The following RNF213 variants were observed in gnomAD, a reference collection of about 807,000 sequenced individuals.
RNF213 encodes the protein ring finger protein 213.
Under a neutral mutation model 514.4 loss-of-function variants are expected in RNF213, and 341 were observed. That is an observed-to-expected ratio of 0.66 (90% CI 0.61 to 0.73). The LOEUF is 0.73. Among genes scored for constraint, RNF213 ranks in the 30% least tolerant of loss-of-function variants. The pLI, the probability that RNF213 is intolerant of heterozygous loss-of-function variation, is 0.00. For synonymous variants in RNF213, 2,655 were observed against 2,658.2 expected, an observed-to-expected ratio of 1.00 and a Z score of 0.04; for missense variants, 5,767 against 6,615.6, an observed-to-expected ratio of 0.87 and a Z score of 4.45.
intron 41 of RNF213, 116 bp downstream of exon 41, chr17:80,363,906 T>A: frequency 9.9e-7 from 1 of 1,011,698 alleles, no homozygotes; most frequent in Non-Finnish European, 1.5e-6. Context: ...TGGGAGGGGC[T>A]CCGTCCTCAC....
chr17:80,388,573 G>A, intron 63 of RNF213, 39 bp from the exon 64 acceptor site: 1 of 1,323,928 alleles, frequency 7.6e-7, no homozygotes. Context: ...TGTCCACGAT[G>A]GATTTAATTT....
intron 62 of RNF213, 114 bp downstream of exon 62, chr17:80,386,544 GCCGCCCCCACCAGTGAC>G: frequency 7.8e-6 from 11 of 1,417,834 alleles, no homozygotes; most frequent in Non-Finnish European, 1.1e-5. Context: ...CACTCCTTCA[GCCGCCCCCACCAGTGAC>G]CCGCCCCATA....
rs1175230652 is a variant in RNF213 at position 80,375,755 on chromosome 17, T to A, written c.13075-5T>A. 6 of 1,598,408 alleles carry A rather than the reference T, an allele frequency of 3.8e-6. No individual in the cohort carries two copies. Among genetic ancestry groups the A allele is most frequent in the Non-Finnish European group, 5.1e-6 (6 of 1,165,734 alleles). On this transcript the variant is annotated splice_region_variant and splice_polypyrimidine_tract_variant and intron_variant, in intron 50 of 67. Coordinates refer to ENST00000582970, the MANE Select transcript of RNF213 (RefSeq NM_001256071.3). Reference sequence around the variant, plus strand: ...AATTCTTACTTGATACCCTTGATTTTGCAGGCCTGCAAGACCCCCCAAAGC... The same window carrying A: ...AATTCTTACTTGATACCCTTGATTTAGCAGGCCTGCAAGACCCCCCAAAGC...
rs1185822105 is a variant in RNF213 at position 80,295,019 on chromosome 17, C to T, written c.1755+16C>T. On this transcript the variant is annotated intron_variant, in intron 9 of 67. Coordinates refer to ENST00000582970, the MANE Select transcript of RNF213 (RefSeq NM_001256071.3). ...GGAGAAAGAGGTATCAGGCTTGCCACCAGCTGCTCTACCTGCTGGGCAGGA... is the reference window on the plus strand; with the variant it reads ...GGAGAAAGAGGTATCAGGCTTGCCATCAGCTGCTCTACCTGCTGGGCAGGA... 1 of 1,613,900 alleles carries T rather than the reference C, an allele frequency of 6.2e-7. No homozygotes were observed. Among genetic ancestry groups the T allele is most frequent in the East Asian group, 2.2e-5 (1 of 44,888 alleles).
At chr17:80,312,889 T>G (rs1286696877) in intron 14 of RNF213, 123 bp from the exon 15 acceptor site, 2 of 1,084,504 alleles carry the variant, frequency 1.8e-6, no homozygotes, top group African/African-American at 1.6e-5. Flanking sequence ...CTGTGGTCCC[T>G]CCATCGTAGC....
At chr17:80,277,599 A>G (rs1320633697) in intron 3 of RNF213, among the ~76,000 whole-genome samples, 2 of 134,512 alleles carry the variant, frequency 1.5e-5, no homozygotes, top group African/African-American at 6.8e-5. Flanking sequence ...CTGTCTCAAA[A>G]AAAAAAAAAA....
At chr17:80,285,266 G>A (rs1210383588) in intron 3 of RNF213, among the ~76,000 whole-genome samples, 1 of 152,214 alleles carries the variant, frequency 6.6e-6, no homozygotes, top group African/African-American at 2.4e-5. Context: ...GCCCACGGTG[G>A]CTCAGTGACC....
chr17:80,364,398 C>G (rs201747319), intron 41 of RNF213, 35 bp from the exon 42 acceptor site: 2 of 1,613,430 alleles, frequency 1.2e-6, no homozygotes, highest in East Asian at 2.2e-5. Flanking sequence ...TGGTGGGAGC[C>G]GAGTGAGTGA....
At chr17:80,338,958 T>TAA (rs60333843) in intron 25 of RNF213, among the ~76,000 whole-genome samples, 37 of 143,096 alleles carry the variant, frequency 2.6e-4, no homozygotes, top group Admixed American at 8.5e-4. Flanking sequence ...AAAAAAAAAT[T>TAA]AAAAAAAAAA....
chr17:80,313,734 ACAAT>A (rs1287126410), intron 15 of RNF213, among the ~76,000 whole-genome samples: 7 of 98,798 alleles, frequency 7.1e-5, no homozygotes, highest in South Asian at 7.2e-4. Context: ...GGTGGAGGTG[ACAAT>A]GGTGATGCTG....
At chr17:80,276,580 C>A (rs1436456239) in intron 3 of RNF213, among the ~76,000 whole-genome samples, 1 of 151,890 alleles carries the variant, frequency 6.6e-6, no homozygotes, top group African/African-American at 2.4e-5. Context: ...CGCGGTGGCT[C>A]ACTGGGTGAC....
At chr17:80,361,392 T>A (rs1346665469) in intron 38 of RNF213, among the ~76,000 whole-genome samples, 1 of 152,106 alleles carries the variant, frequency 6.6e-6, no homozygotes, top group Non-Finnish European at 1.5e-5. Flanking sequence ...TGGTGGTGCA[T>A]GCCTGTAGTC....
Position 80,386,880 on chromosome 17 carries a change from C to T in RNF213, c.14911C>T (p.Leu4971=). 9 of 1,612,424 alleles carry T rather than the reference C, an allele frequency of 5.6e-6. No homozygotes were observed. Among genetic ancestry groups the T allele is most frequent in the South Asian group, 1.1e-5 (1 of 90,864 alleles). ...VSRFLQGKPR[L]SLKGIPTLVY... ...CCGCTTCCTCCAGGGCAAGCCCCGG[C>T]TGAGCCTCAAGGTAGGGCTGACTCC... Residue 4971 remains leucine (L), a synonymous_variant, in exon 63 of 68, where the codon CTG becomes TTG. Transcript: ENST00000582970.
At chr17:80,351,828 TA>T in intron 32 of RNF213, 25 bp downstream of exon 32, 1 of 1,154,908 alleles carries the variant, frequency 8.7e-7, no homozygotes, top group East Asian at 2.3e-5. Flanking sequence ...TCAGTCAGGG[TA>T]TTTATTTATG....
rs771061203 is a variant in RNF213, at chr17:80,287,893, C to A, written c.340C>A (p.Pro114Thr). The change falls in exon 4 of 68, where the codon CCT (proline) becomes ACT (threonine). Residue 114 changes from proline to threonine, a missense_variant. This residue lies in a region of RNF213 where 509 missense variants were observed against 496.7 expected (regional missense o/e 1.02). Coordinates refer to ENST00000582970, the MANE Select transcript of RNF213 (RefSeq NM_001256071.3). Reference protein sequence around the residue: ...SSELASLPLSPASPCHLTLLS... With the variant: ...SSELASLPLSTASPCHLTLLS... ...AGAGCTGGCTTCCTTGCCCCTTTCT[C>A]CTGCCAGCCCCTGTCACCTGACTTT... 4 of 1,581,010 alleles carry A rather than the reference C, an allele frequency of 2.5e-6. No homozygotes were observed. The highest frequency in any genetic ancestry group is 3.4e-6 in the Non-Finnish European group (4 of 1,163,648).
intron 17 of RNF213, chr17:80,320,113 C>CTGTGGTGATGACTGT: frequency 1.5e-6 from 1 of 659,880 alleles, no homozygotes; most frequent in Non-Finnish European, 1.9e-6. Flanking sequence ...CAGTCATCAC[C>CTGTGGTGATGACTGT]ACAGTTAATG....
chr17:80,346,123 G>A lies in RNF213; in HGVS notation c.7788G>A (p.Gln2596=), dbSNP rs2078302161. The A allele has an allele frequency of 6.2e-7, 1 of 1,614,192 alleles. No homozygotes were observed. The stretch of plus-strand genomic sequence containing the variant: ...TTGCTGAAAAGCTCTACATCCAGCA[G>A]ATTGTCCAGAGACTGGTTGAGTCCA... ...SDVAEKLYIQ[Q]IVQRLVESIS... The change falls in exon 29 of 68, where the codon CAG becomes CAA. Residue 2596 remains glutamine (Q), a synonymous_variant. Coordinates refer to ENST00000582970, the MANE Select transcript of RNF213 (RefSeq NM_001256071.3). This position sits in a 1 kb window ranked among gnomAD's most constrained non-coding sequence, Gnocchi z 8.1.
intron 42 of RNF213, chr17:80,365,341 G>GT (rs2079221013): frequency 1.3e-5 from 2 of 152,542 alleles, no homozygotes; most frequent in South Asian, 4.1e-4. Flanking sequence ...CTTAGACACA[G>GT]TATCAGCTGA....
intron 3 of RNF213, among the ~76,000 whole-genome samples, chr17:80,275,722 C>T (rs2044027195): frequency 6.6e-6 from 1 of 151,878 alleles, no homozygotes; most frequent in Admixed American, 6.6e-5. Flanking sequence ...AGTGCAGTGG[C>T]GCCATCTCAG....
Sources: allele counts gnomAD v4.1 joint callset (sites outside exome capture counted in the v4.1 genomes callset), GRCh38; gene constraint gnomAD v4.1.1; regional missense constraint gnomAD v4.1.1; non-coding constraint Gnocchi (gnomAD v3.1); transcripts MANE v1.5; gene names NCBI Gene and HGNC (gene_info 2026-07-23, HGNC 2026-07-21).